PRUNE2: variants seen among roughly 807,000 people sequenced by gnomAD.
PRUNE2 encodes prune homolog 2 with BCH domain.
PRUNE2 carries 164 observed loss-of-function variants against 252.0 expected under a neutral mutation model. That is an observed-to-expected ratio of 0.65 (90% CI 0.57 to 0.74). The LOEUF (loss-of-function observed/expected upper bound fraction) is 0.74. Among genes scored for constraint, PRUNE2 ranks in the 30% least tolerant of loss-of-function variants. The pLI is 0.00. For missense variants in PRUNE2, 3,495 were observed against 3,711.0 expected, an observed-to-expected ratio of 0.94 and a Z score of 1.51; for synonymous variants, 1,292 against 1,350.2, an observed-to-expected ratio of 0.96 and a Z score of 0.94.
At chr9:76,802,037 T>A (rs1371409652) in intron 6 of PRUNE2, among the ~76,000 whole-genome samples, 2 of 152,296 alleles carry the variant, frequency 1.3e-5, no homozygotes, top group Middle Eastern at 3.4e-3. Context: ...CATACTGACA[T>A]TTTTAATACT....
intron 6 of PRUNE2, among the ~76,000 whole-genome samples, chr9:76,822,774 T>C (rs976330423): frequency 6.6e-6 from 1 of 151,642 alleles, no homozygotes; most frequent in East Asian, 1.9e-4. Context: ...GCCACTGCAC[T>C]CCAGCCTGGG....
chr9:76,779,128 T>A (rs556723749), intron 6 of PRUNE2, among the ~76,000 whole-genome samples: 1 of 152,264 alleles, frequency 6.6e-6, no homozygotes, highest in South Asian at 2.1e-4. Flanking sequence ...ATAAAATCAA[T>A]GTAGACGCAA....
intron 9 of PRUNE2, among the ~76,000 whole-genome samples, chr9:76,702,063 CTT>C (rs533432061): frequency 2.8e-5 from 4 of 141,964 alleles, no homozygotes; most frequent in Non-Finnish European, 1.5e-5. Context: ...TCTTTTCTCG[CTT>C]TTTTTTTTTT....
intron 6 of PRUNE2, among the ~76,000 whole-genome samples, chr9:76,801,721 C>A (rs962015705): frequency 6.6e-6 from 1 of 152,126 alleles, no homozygotes; most frequent in South Asian, 2.1e-4. Context: ...GCATTCTCTG[C>A]TATTTTCTAT....
intron 12 of PRUNE2, among the ~76,000 whole-genome samples, chr9:76,643,293 A>C (rs1843321267): frequency 6.6e-6 from 1 of 152,194 alleles, no homozygotes; most frequent in Non-Finnish European, 1.5e-5. Context: ...AGGGCTTATC[A>C]CTGGGTGACT....
chr9:76,742,495 G>A (rs2049725811), intron 6 of PRUNE2, among the ~76,000 whole-genome samples: 1 of 152,196 alleles, frequency 6.6e-6, no homozygotes, highest in South Asian at 2.1e-4. Context: ...GCATGTGCCT[G>A]TTGTCCAAGC....
rs745407522 is a variant in PRUNE2, at chr9:76,644,786, A to G, written c.8681T>C (p.Ile2894Thr). ...GTAGGGCTCGATGACCTTCATGTCA[A>G]TGCGCTGCTCTTGTTCTCCAATGAC... ...TVVIGEQEQR[I>T]DMKVIEPYRR... is the part of the protein sequence containing the mutation. Residue 2894 changes from isoleucine (I) to threonine (T), a missense_variant, in exon 12 of 19, where the codon ATT becomes ACT. Physicochemically the swap from Ile to Thr is moderately conservative, Grantham distance 89. Coordinates refer to ENST00000376718, the MANE Select transcript of PRUNE2 (RefSeq NM_015225.3). The G allele has an allele frequency of 1.9e-6, 3 of 1,613,756 alleles. No individual in the cohort carries two copies. Among genetic ancestry groups the G allele is most frequent in the Non-Finnish European group, 2.5e-6 (3 of 1,179,848 alleles).
At chr9:76,755,194 G>A (rs1288340843) in intron 6 of PRUNE2, among the ~76,000 whole-genome samples, 2 of 152,028 alleles carry the variant, frequency 1.3e-5, no homozygotes, top group Non-Finnish European at 2.9e-5. Flanking sequence ...AATTGTTTAT[G>A]TGTTTGCTAT....
chr9:76,623,365 G>T (rs1833218345), intron 17 of PRUNE2, among the ~76,000 whole-genome samples: 1 of 151,598 alleles, frequency 6.6e-6, no homozygotes, highest in Admixed American at 6.6e-5. Flanking sequence ...CATGATCTCG[G>T]CTCACTGCAA....
At chr9:76,809,390 AT>A (rs1365955039) in intron 6 of PRUNE2, among the ~76,000 whole-genome samples, 3 of 152,176 alleles carry the variant, frequency 2.0e-5, no homozygotes, top group African/African-American at 7.2e-5. Context: ...AATGTATGTC[AT>A]TTGGGTGATG....
chr9:76,619,748 C>A (rs1311488769), intron 17 of PRUNE2, among the ~76,000 whole-genome samples: 1 of 152,212 alleles, frequency 6.6e-6, no homozygotes, highest in Non-Finnish European at 1.5e-5. Context: ...CCCTCTCAAG[C>A]AGCCTAATTT....
chr9:76,779,138 A>C (rs1347392679), intron 6 of PRUNE2, among the ~76,000 whole-genome samples: 2 of 152,200 alleles, frequency 1.3e-5, no homozygotes, highest in Non-Finnish European at 2.9e-5. Flanking sequence ...TGTAGACGCA[A>C]ATTTTCTGGA....
rs545556172 is a variant in PRUNE2, at chr9:76,782,009, T to C, written c.756+41623A>G. ...GCAGGTGGATCATGAGGTCAGGAGA[T>C]TGAGACCATCCTGGCTAACACGGTG... On this transcript the variant is annotated intron_variant, in intron 6 of 18. Coordinates refer to ENST00000376718, the MANE Select transcript of PRUNE2 (RefSeq NM_015225.3). 1.8e-4 allele frequency among the ~76,000 whole-genome samples: 28 copies of C among 152,078 alleles called. No homozygotes were observed. In the South Asian group the frequency reaches 5.4e-3, roughly 29 times the overall value.
At chr9:76,634,325 G>T (rs1009674597) in intron 15 of PRUNE2, among the ~76,000 whole-genome samples, 2 of 152,142 alleles carry the variant, frequency 1.3e-5, no homozygotes, top group Admixed American at 1.3e-4. Flanking sequence ...TAGCCTTACA[G>T]TAACAAATGT....
At chr9:76,656,928 AAGAC>A (rs1337709915) in intron 9 of PRUNE2, among the ~76,000 whole-genome samples, 1 of 152,210 alleles carries the variant, frequency 6.6e-6, no homozygotes, top group Non-Finnish European at 1.5e-5. Flanking sequence ...GTTGGCATGT[AAGAC>A]AGACAATAAT....
At chr9:76,627,503 G>A (rs1051867676) in intron 16 of PRUNE2, among the ~76,000 whole-genome samples, 1 of 152,090 alleles carries the variant, frequency 6.6e-6, no homozygotes, top group African/African-American at 2.4e-5. Flanking sequence ...AGGTATGCTG[G>A]TTGTGGAAAC....
chr9:76,787,785 C>T (rs115778177), intron 6 of PRUNE2, among the ~76,000 whole-genome samples: 6,329 of 152,220 alleles, frequency 0.042, 295 homozygotes, highest in African/African-American at 0.12. Context: ...ACTAGACAGT[C>T]CTCTCCAATC....
rs1225526649 is a variant in PRUNE2 at position 76,703,705 on chromosome 9, C to T, written c.7908G>A (p.Leu2636=). The T allele has an allele frequency of 2.7e-5, 43 of 1,613,370 alleles. No homozygotes were observed. The highest frequency in any genetic ancestry group is 3.6e-5 in the Non-Finnish European group (43 of 1,179,868). ...SPAQDQSWMF[L]GHSEVGDPSL... is the part of the protein sequence containing the mutation. ...ATGGATCACCAACCTCACTATGGCC[C>T]AAGAACATCCAACTCTGGTCTTGTG... The change falls in exon 9 of 19, where the codon TTG becomes TTA. Residue 2636 remains leucine, a synonymous_variant. Transcript: ENST00000376718.
At chr9:76,717,981 C>T (rs1161980174) in intron 6 of PRUNE2, among the ~76,000 whole-genome samples, 1 of 152,056 alleles carries the variant, frequency 6.6e-6, no homozygotes, top group African/African-American at 2.4e-5. Flanking sequence ...TTGTTATTTC[C>T]TGGTCAAAAA....
Sources: allele counts gnomAD v4.1 joint callset (sites outside exome capture counted in the v4.1 genomes callset), GRCh38; gene constraint gnomAD v4.1.1; transcripts MANE v1.5; gene names NCBI Gene and HGNC (gene_info 2026-07-23, HGNC 2026-07-21).